Variants in RNF213 observed in about 807,000 individuals in gnomAD.
RNF213 encodes E3 ubiquitin-protein ligase RNF213.
A neutral mutation model predicts 514.4 loss-of-function variants in RNF213; 341 were observed. The ratio of observed to expected loss-of-function variants is 0.66; its 90% CI spans 0.61 to 0.73. The LOEUF is 0.73. Ranked by LOEUF, RNF213 falls within the 30% of genes least tolerant of loss-of-function variation. The pLI, the probability that RNF213 is intolerant of heterozygous loss-of-function variation, is 0.00. For missense variants in RNF213, 5,767 were observed against 6,615.6 expected (o/e 0.87, Z 4.45); for synonymous variants, 2,655 against 2,658.2 (o/e 1.00, Z 0.04).
rs142869211 is a variant in RNF213, at chr17:80,379,620, T to C, written c.13546T>C (p.Cys4516Arg). The C allele has an allele frequency of 3.7e-5, 59 of 1,614,064 alleles. No individual in the cohort carries two copies. Among genetic ancestry groups the C allele is most frequent in the Non-Finnish European group, 4.8e-5 (57 of 1,179,898 alleles). The stretch of plus-strand genomic sequence containing the variant: ...TTCTAGTGCCCTGTCTTCACCCTAG[T>C]GTGGCAGGCCGATGGAACAGAGCAT... ...PNGHPCSVGE[C>R]GRPMEQSICI... Residue 4516 changes from cysteine (C) to arginine (R), a missense_variant and splice_region_variant, in exon 55 of 68, where the codon TGT becomes CGT. By Grantham distance (180) the Cys-to-Arg change is radical. This residue lies in a region of RNF213 where 1,245 missense variants were observed against 1,339.0 expected (regional missense o/e 0.93). Coordinates refer to ENST00000582970, the MANE Select transcript of RNF213 (RefSeq NM_001256071.3).
intron 32 of RNF213, chr17:80,352,694 T>C (rs1478774572): frequency 3.1e-6 from 2 of 642,236 alleles, no homozygotes; most frequent in South Asian, 3.5e-5. Context: ...CTTCCCACGC[T>C]GGCCATTGCA....
At chr17:80,350,249 T>C (rs1382313160) in intron 30 of RNF213, 52 bp from the exon 31 acceptor site, 2 of 1,159,804 alleles carry the variant, frequency 1.7e-6, no homozygotes, top group East Asian at 4.7e-5. Flanking sequence ...AATTTTCTTT[T>C]CCATTTTTTT....
Position 80,346,035 on chromosome 17 carries a change from G to A in RNF213, c.7700G>A (p.Arg2567Gln). 3 of 1,614,182 alleles carry A rather than the reference G, an allele frequency of 1.9e-6. No individual in the cohort carries two copies. The highest frequency in any genetic ancestry group is 2.5e-6 in the Non-Finnish European group (3 of 1,180,046). ...GSIPLRQLVYRVHALPPSLIP... is the reference protein window; with the variant it reads ...GSIPLRQLVYQVHALPPSLIP... Reference sequence around the variant, plus strand: ...ATTCCTCTGAGGCAGCTGGTATACCGGGTCCATGCTCTGCCCCCGAGCCTG... The same window carrying A: ...ATTCCTCTGAGGCAGCTGGTATACCAGGTCCATGCTCTGCCCCCGAGCCTG... Residue 2567 changes from arginine to glutamine, a missense_variant, in exon 29 of 68, where the codon CGG becomes CAG. Transcript: ENST00000582970. The surrounding 1 kb of genome is among the most constrained non-coding windows in gnomAD (Gnocchi z 8.1).
Position 80,345,828 on chromosome 17 carries a change from T to C in RNF213, c.7493T>C (p.Ile2498Thr). 6.2e-7 allele frequency: 1 copy of C among 1,614,096 alleles called. No individual in the cohort carries two copies. Among genetic ancestry groups the C allele is most frequent in the Non-Finnish European group, 8.5e-7 (1 of 1,180,038 alleles). ...EANTTEAISCIKEVLCDHMVD... is the reference protein window; with the variant it reads ...EANTTEAISCTKEVLCDHMVD... ...AACACAACGGAAGCTATAAGCTGTA[T>C]CAAAGAAGTCCTGTGTGATCATATG... The change falls in exon 29 of 68, where the codon ATC becomes ACC. Residue 2498 changes from isoleucine (I) to threonine (T), a missense_variant. This residue lies in a region of RNF213 where 1,377 missense variants were observed against 1,635.2 expected (regional missense o/e 0.84). Coordinates refer to ENST00000582970, the MANE Select transcript of RNF213 (RefSeq NM_001256071.3). The surrounding 1 kb of genome is among the most constrained non-coding windows in gnomAD (Gnocchi z 6.0).
rs749832315 is a variant in RNF213, at chr17:80,373,075, C to T, written c.12852C>T (p.Ser4284=). The T allele has an allele frequency of 9.3e-6, 15 of 1,613,882 alleles. No homozygotes were observed. The highest frequency in any genetic ancestry group is 2.7e-5 in the African/African-American group (2 of 74,898). Residue 4284 remains serine (S), a synonymous_variant, in exon 49 of 68, where the codon AGC becomes AGT. Transcript: ENST00000582970. ...WHRVYLVRKL[S]SQRGMEFVQG... ...GGGTGTACCTGGTGCGGAAGCTCAG[C>T]AGCCAGCGGGGGATGGAGTTCGTGC...
At position 80,363,627 on chromosome 17, in the gene RNF213, G is replaced by T; in HGVS notation, c.11587G>T (p.Ala3863Ser). The change falls in exon 41 of 68, where the codon GCA becomes TCA. Residue 3863 changes from alanine (A) to serine (S), a missense_variant. Ala to Ser is a moderately conservative substitution (Grantham distance 99). This residue lies in a region of RNF213 where 355 missense variants were observed against 358.0 expected (regional missense o/e 0.99). Transcript: ENST00000582970. ...GCEMTLDAFA[A>S]MACTEMLTRN... is the part of the protein sequence containing the mutation. ...TCCCCAGACCCTGGACGCATTTGCC[G>T]CAATGGCCTGCACGGAGATGCTGAC... 6.2e-7 allele frequency: 1 copy of T among 1,613,882 alleles called. No individual in the cohort carries two copies. The highest frequency in any genetic ancestry group is 8.5e-7 in the Non-Finnish European group (1 of 1,180,028).
chr17:80,265,422 C>T (rs1233909924), intron 2 of RNF213, among the ~76,000 whole-genome samples: 2 of 152,230 alleles, frequency 1.3e-5, no homozygotes, highest in Admixed American at 6.5e-5. Flanking sequence ...TAGAGGCATG[C>T]AAAGCAAATG....
Position 80,306,370 on chromosome 17 carries a change from T to A in RNF213, c.2329T>A (p.Phe777Ile). Residue 777 changes from phenylalanine to isoleucine, a missense_variant, in exon 12 of 68, where the codon TTC becomes ATC. Around this residue, in one of 13 missense-constraint regions of RNF213, gnomAD observed 592 missense variants for 673.9 expected, o/e 0.88. Transcript: ENST00000582970. ...LSHLVMYMEN[F>I]IEHLGRFPAH... ...TCACCTGGTTATGTATATGGAAAACTTCATTGAGCACCTGGGTCGTTTTCC... is the reference window on the plus strand; with the variant it reads ...TCACCTGGTTATGTATATGGAAAACATCATTGAGCACCTGGGTCGTTTTCC... 6.2e-7 allele frequency: 1 copy of A among 1,614,210 alleles called. No individual in the cohort carries two copies. Among genetic ancestry groups the A allele is most frequent in the Non-Finnish European group, 8.5e-7 (1 of 1,180,042 alleles).
At chr17:80,388,717 A>C (rs1243094978) in intron 64 of RNF213, 28 bp downstream of exon 64, 1 of 1,520,492 alleles carries the variant, frequency 6.6e-7, no homozygotes, top group Admixed American at 1.7e-5. Flanking sequence ...GATCCTGTGC[A>C]CGGGGCTTTC....
chr17:80,275,332 C>T lies in RNF213; in HGVS notation c.261+1928C>T, dbSNP rs1294261175. On this transcript the variant is annotated intron_variant, in intron 3 of 67. Coordinates refer to ENST00000582970, the MANE Select transcript of RNF213 (RefSeq NM_001256071.3). ...CTCCCTTTTTATGCCTAATTTGGAA[C>T]TCTGTCAGAGTGGGAAAGTGGCAGT... is the stretch of plus-strand genomic sequence containing the variant. 2.0e-5 allele frequency among the ~76,000 whole-genome samples: 3 copies of T among 151,926 alleles called. No individual in the cohort carries two copies. The East Asian group carries it at 5.8e-4, about 29-fold the overall frequency.
Position 80,290,556 on chromosome 17 carries a change from T to C in RNF213, c.1113-14T>C. On this transcript the variant is annotated splice_polypyrimidine_tract_variant and intron_variant, in intron 6 of 67. Transcript: ENST00000582970. ...TCTCACGGGAATCAGATTTCTGTTT[T>C]GGTTTTCCACCAGCACGCTGAGCCC... 1 of 1,613,394 alleles carries C rather than the reference T, an allele frequency of 6.2e-7. No homozygotes were observed. Among genetic ancestry groups the C allele is most frequent in the South Asian group, 1.1e-5 (1 of 91,040 alleles).
intron 49 of RNF213, among the ~76,000 whole-genome samples, chr17:80,373,697 G>C (rs1278368724): frequency 6.6e-6 from 1 of 152,142 alleles, no homozygotes; most frequent in East Asian, 1.9e-4. Context: ...AAGAATTGCA[G>C]AAGAGGCTTC....
At chr17:80,326,383 C>G (rs758486038) in intron 18 of RNF213, among the ~76,000 whole-genome samples, 1 of 152,174 alleles carries the variant, frequency 6.6e-6, no homozygotes, top group Non-Finnish European at 1.5e-5. Flanking sequence ...TCTCTGCCAC[C>G]ATCACACGGG....
intron 2 of RNF213, among the ~76,000 whole-genome samples, chr17:80,265,299 G>A (rs1487872775): frequency 2.0e-5 from 3 of 152,096 alleles, no homozygotes; most frequent in African/African-American, 4.8e-5. Flanking sequence ...CACCCGCCTC[G>A]GCCTCACAAA....
chr17:80,285,562 C>T (rs1176546714), intron 3 of RNF213, among the ~76,000 whole-genome samples: 1 of 152,206 alleles, frequency 6.6e-6, no homozygotes, highest in Non-Finnish European at 1.5e-5. Context: ...CTCAGCAGGT[C>T]CCCCGGCAGC....
chr17:80,320,591 T>C (rs896924007), intron 17 of RNF213: 13 of 152,214 alleles, frequency 8.5e-5, no homozygotes, highest in African/African-American at 3.1e-4. Context: ...GGTTTCTCCA[T>C]GTTGGTCAGG....
In RNF213 at chr17:80,351,676, T is replaced by C; in HGVS notation, c.10185-9T>C. 7.3e-7 allele frequency: 1 copy of C among 1,366,056 alleles called. No individual in the cohort carries two copies. Among genetic ancestry groups the C allele is most frequent in the Non-Finnish European group, 1.0e-6 (1 of 958,304 alleles). 84.6% of individuals were successfully genotyped at this position (1,366,056 alleles called of 1,614,324 possible). On this transcript the variant is annotated splice_polypyrimidine_tract_variant and intron_variant, in intron 31 of 67. Transcript: ENST00000582970. ...TAAAATAGGTATTCTTTTTTTTTTC[T>C]TTAAATAGGTATTCTGTTATAAATG...
At chr17:80,358,153 G>A in intron 36 of RNF213, 135 bp from the exon 37 acceptor site, 1 of 687,698 alleles carries the variant, frequency 1.5e-6, no homozygotes. Flanking sequence ...TCAAGTTATT[G>A]CTGTCGCTGT....
Position 80,393,455 on chromosome 17 carries a change from G to A in RNF213, c.15581G>A (p.Trp5194Ter). Residue 5194 changes from tryptophan to a stop codon, truncating the protein, a stop_gained, in exon 68 of 68, where the codon TGG (tryptophan) becomes TAG (stop). Coordinates refer to ENST00000582970, the MANE Select transcript of RNF213 (RefSeq NM_001256071.3). LOFTEE classifies it low-confidence loss of function (END_TRUNC). ...CTGCTCGCCAGCTGTGTCTCAGTGT[G>A]GAAAACAGCTGCTGTGCTGAAATGG... is the stretch of plus-strand genomic sequence containing the variant. ...EILLASCVSV[W>*]KTAAVLKWNR... is the part of the protein sequence containing the mutation. 1 of 1,614,178 alleles carries A rather than the reference G, an allele frequency of 6.2e-7. No homozygotes were observed. The highest frequency in any genetic ancestry group is 2.2e-5 in the East Asian group (1 of 44,894).
Sources: allele counts gnomAD v4.1 joint callset (sites outside exome capture counted in the v4.1 genomes callset), GRCh38; gene constraint gnomAD v4.1.1; regional missense constraint gnomAD v4.1.1; non-coding constraint Gnocchi (gnomAD v3.1); transcripts MANE v1.5; gene names NCBI Gene and HGNC (gene_info 2026-07-23, HGNC 2026-07-21).